Variants in SESN1 observed in about 807,000 individuals in gnomAD.
SESN1 encodes the protein sestrin-1.
In SESN1, 30 loss-of-function variants were observed where a neutral mutation model predicts 59.3. That is an observed-to-expected ratio of 0.51 (90% CI 0.38 to 0.69). The LOEUF is 0.69. Among genes scored for constraint, SESN1 ranks in the 30% least tolerant of loss-of-function variants. SESN1 has a pLI of 0.00. For missense variants in SESN1, 566 were observed against 673.0 expected, an observed-to-expected ratio of 0.84 and a Z score of 1.76; for synonymous variants, 197 against 219.9, an observed-to-expected ratio of 0.90 and a Z score of 0.92.
chr6:108,984,627 C>A lies in SESN1; in HGVS notation c.*2917G>T, dbSNP rs77695520. On this transcript the variant is annotated 3_prime_UTR_variant, in exon 10 of 10. Coordinates refer to ENST00000436639, the MANE Select transcript of SESN1 (RefSeq NM_014454.3). ...ACACAAACATTCAGCCATCACATAT[C>A]CCCTTGGTTAGGTTTATTCCTAAGT... Among the ~76,000 whole-genome samples the A allele has an allele frequency of 3.1e-4, 47 of 152,298 alleles. No individual in the cohort carries two copies. Among genetic ancestry groups the A allele is most frequent in the African/African-American group, 1.1e-3 (44 of 41,560 alleles).
intron 1 of SESN1, among the ~76,000 whole-genome samples, chr6:109,057,947 C>T (rs1280217354): frequency 6.6e-6 from 1 of 152,056 alleles, no homozygotes; most frequent in Non-Finnish European, 1.5e-5. Flanking sequence ...CTGGCTGTCT[C>T]TAGATGAGGT....
At chr6:109,009,214 C>G (rs28504359) in intron 1 of SESN1, 13 of 838,686 alleles carry the variant, frequency 1.6e-5, no homozygotes, top group Non-Finnish European at 2.1e-5. Flanking sequence ...TCCCCGGGAG[C>G]CCGCCCTATC....
intron 1 of SESN1, among the ~76,000 whole-genome samples, chr6:109,056,517 T>A (rs1281375851): frequency 6.6e-6 from 1 of 152,184 alleles, no homozygotes; most frequent in African/African-American, 2.4e-5. Context: ...GTCACTGTCA[T>A]CAAATGCCCT....
In SESN1 at chr6:109,076,046, C is replaced by T. The variant is rs115412947; in HGVS notation, c.279+17749G>A. On this transcript the variant is annotated intron_variant, in intron 1 of 9. Transcript: ENST00000436639. ...CATCCAAGGGCTTCTGCACTTTCCCCAACATCTGAAATAAATAATATGATG... is the reference window on the plus strand; with the variant it reads ...CATCCAAGGGCTTCTGCACTTTCCCTAACATCTGAAATAAATAATATGATG... Among the ~76,000 whole-genome samples the T allele has an allele frequency of 3.3e-3, 502 of 152,284 alleles. 5 individuals carry two copies. Among genetic ancestry groups the T allele is most frequent in the African/African-American group, 0.012 (478 of 41,544 alleles).
intron 1 of SESN1, among the ~76,000 whole-genome samples, chr6:109,042,164 T>C (rs577852403): frequency 7.4e-4 from 112 of 151,924 alleles, no homozygotes; most frequent in Non-Finnish European, 1.3e-3. Context: ...AGGATGAAAA[T>C]GAAAATACAA....
intron 1 of SESN1, among the ~76,000 whole-genome samples, chr6:109,036,152 A>G (rs1281938960): frequency 1.3e-5 from 2 of 152,134 alleles, no homozygotes; most frequent in African/African-American, 4.8e-5. Flanking sequence ...AGTCATCAGA[A>G]TGGGGAGGGA....
intron 7 of SESN1, among the ~76,000 whole-genome samples, chr6:108,992,118 A>G (rs1229091622): frequency 6.6e-6 from 1 of 152,014 alleles, no homozygotes; most frequent in Non-Finnish European, 1.5e-5. Flanking sequence ...TTATTTTTTG[A>G]GACAGGATCC....
intron 6 of SESN1, among the ~76,000 whole-genome samples, chr6:108,993,821 C>T (rs543356298): frequency 1.1e-4 from 17 of 151,994 alleles, no homozygotes; most frequent in Non-Finnish European, 2.1e-4. Context: ...TCAAGGTGAT[C>T]CTTCCACCTC....
intron 1 of SESN1, among the ~76,000 whole-genome samples, chr6:109,046,559 A>T (rs1444132592): frequency 7.2e-6 from 1 of 139,550 alleles, no homozygotes; most frequent in Non-Finnish European, 1.6e-5. Flanking sequence ...CTGGGATGTG[A>T]GGAGCCCCTC....
At chr6:109,067,377 T>C (rs538810713) in intron 1 of SESN1, among the ~76,000 whole-genome samples, 63 of 152,190 alleles carry the variant, frequency 4.1e-4, no homozygotes, top group Non-Finnish European at 6.3e-4. Flanking sequence ...TCATCAAGGG[T>C]AGAAGTCTTT....
intron 1 of SESN1, among the ~76,000 whole-genome samples, chr6:109,013,487 C>A (rs1464442630): frequency 6.6e-6 from 1 of 152,168 alleles, no homozygotes; most frequent in African/African-American, 2.4e-5. Flanking sequence ...GACCAAGTGG[C>A]TTCCCTGAGC....
At chr6:109,009,519 G>T in intron 1 of SESN1, 2 of 1,190,172 alleles carry the variant, frequency 1.7e-6, no homozygotes, top group African/African-American at 1.6e-5. Flanking sequence ...AGCCGGCCGC[G>T]GCTCCTGGCT....
At chr6:109,090,041 C>T (rs1006425551) in intron 1 of SESN1, among the ~76,000 whole-genome samples, 28 of 152,262 alleles carry the variant, frequency 1.8e-4, no homozygotes, top group African/African-American at 6.5e-4. Context: ...GCCTATAAGC[C>T]CCTCTGGGAT....
intron 1 of SESN1, chr6:109,009,609 T>A (rs1779819139): frequency 9.8e-7 from 1 of 1,016,554 alleles, no homozygotes; most frequent in South Asian, 4.7e-5. Flanking sequence ...CCCGCGCCCG[T>A]CATTTCACCG....
intron 1 of SESN1, among the ~76,000 whole-genome samples, chr6:109,012,805 AAGG>A (rs1361248285): frequency 1.3e-5 from 2 of 152,118 alleles, no homozygotes; most frequent in African/African-American, 4.8e-5. Flanking sequence ...AGAGTAACGG[AAGG>A]AGTTTAGGTA....
At chr6:109,012,093 G>A (rs1301077506) in intron 1 of SESN1, among the ~76,000 whole-genome samples, 1 of 152,180 alleles carries the variant, frequency 6.6e-6, no homozygotes, top group Non-Finnish European at 1.5e-5. Flanking sequence ...GCACATACAG[G>A]CATGCGATAA....
chr6:109,003,982 G>GT (rs1368730679), intron 1 of SESN1, among the ~76,000 whole-genome samples: 1 of 152,162 alleles, frequency 6.6e-6, no homozygotes, highest in East Asian at 1.9e-4. Flanking sequence ...GTTTATTACT[G>GT]TTTTATAACT....
At chr6:109,091,687 T>G (rs1357427210) in intron 1 of SESN1, among the ~76,000 whole-genome samples, 1 of 152,224 alleles carries the variant, frequency 6.6e-6, no homozygotes, top group Non-Finnish European at 1.5e-5. Flanking sequence ...TAAAATTAAA[T>G]TTTATATTTG....
chr6:109,024,298 C>A (rs548092757), intron 1 of SESN1, among the ~76,000 whole-genome samples: 2 of 152,110 alleles, frequency 1.3e-5, no homozygotes, highest in African/African-American at 4.8e-5. Flanking sequence ...GGCATAGGGA[C>A]TACCATTAAA....
Sources: allele counts gnomAD v4.1 joint callset (sites outside exome capture counted in the v4.1 genomes callset), GRCh38; gene constraint gnomAD v4.1.1; transcripts MANE v1.5; gene names NCBI Gene and HGNC (gene_info 2026-07-23, HGNC 2026-07-21).